The following PDE8A variants were observed in gnomAD, a reference collection of about 807,000 sequenced individuals.
PDE8A encodes high affinity cAMP-specific and IBMX-insensitive 3',5'-cyclic phosphodiesterase 8A.
A neutral mutation model predicts 105.0 loss-of-function variants in PDE8A; 59 were observed. That is an observed-to-expected ratio of 0.56 (90% CI 0.46 to 0.70). The LOEUF (loss-of-function observed/expected upper bound fraction) is 0.70. Among genes scored for constraint, PDE8A ranks in the 30% least tolerant of loss-of-function variants. PDE8A has a pLI of 0.00. For synonymous variants in PDE8A, 355 were observed against 371.9 expected, an observed-to-expected ratio of 0.95 and a Z score of 0.52; for missense variants, 1,014 against 1,045.9, an observed-to-expected ratio of 0.97 and a Z score of 0.42.
At chr15:85,026,917 C>T (rs1007533100) in intron 1 of PDE8A, among the ~76,000 whole-genome samples, 4 of 152,142 alleles carry the variant, frequency 2.6e-5, no homozygotes, top group African/African-American at 7.2e-5. Context: ...TATGAGGTAA[C>T]GTTTTTCTTT....
intron 1 of PDE8A, 82 bp downstream of exon 1, chr15:84,982,430 GTCCC>G: frequency 2.2e-6 from 2 of 909,738 alleles, no homozygotes; most frequent in Non-Finnish European, 3.0e-6. Flanking sequence ...GCCGGGCGGG[GTCCC>G]CCCCACCCGG....
At chr15:85,054,636 G>T (rs986646194) in intron 1 of PDE8A, among the ~76,000 whole-genome samples, 1 of 152,146 alleles carries the variant, frequency 6.6e-6, no homozygotes, top group South Asian at 2.1e-4. Flanking sequence ...ACGGTAGTTT[G>T]TATTTCTGTG....
rs1334123754 is a variant in PDE8A at position 85,139,092 on chromosome 15, G to T, written c.*1189G>T. Reference sequence around the variant, plus strand: ...GTCATTTCATTTTAAACTCGTATTTGTGGTTTTTTTCCCAGATAAAAATGA... The same window carrying T: ...GTCATTTCATTTTAAACTCGTATTTTTGGTTTTTTTCCCAGATAAAAATGA... On this transcript the variant is annotated 3_prime_UTR_variant, in exon 22 of 22. Coordinates refer to ENST00000394553, the MANE Select transcript of PDE8A (RefSeq NM_002605.3). 3 of 151,926 alleles carry T rather than the reference G, an allele frequency of 2.0e-5. No homozygotes were observed. The highest frequency in any genetic ancestry group is 7.3e-5 in the African/African-American group (3 of 41,334). 9.4% of individuals were successfully genotyped at this position (151,926 alleles called of 1,614,324 possible). A position where few individuals can be genotyped will look rare whatever the true frequency, so the allele number is the denominator to read the frequency against.
chr15:85,064,846 C>T (rs1294563156), intron 2 of PDE8A, among the ~76,000 whole-genome samples: 1 of 151,834 alleles, frequency 6.6e-6, no homozygotes, highest in Non-Finnish European at 1.5e-5. Flanking sequence ...GGTGTGTGTG[C>T]CTGTGGTCCC....
chr15:85,126,490 T>TAACA, intron 20 of PDE8A, 116 bp downstream of exon 20: 2 of 733,852 alleles, frequency 2.7e-6, no homozygotes, highest in Non-Finnish European at 3.9e-6. Flanking sequence ...TCTGTCCTTG[T>TAACA]TTTGCAAGGT....
rs141196809 is a variant in PDE8A, at chr15:85,137,810, G to A, written c.2397G>A (p.Leu799=). The A allele has an allele frequency of 1.9e-6, 3 of 1,608,898 alleles. No individual in the cohort carries two copies. The African/African-American group carries it at 4.0e-5, about 22-fold the overall frequency. The change falls in exon 22 of 22, where the codon CTG becomes CTA. Residue 799 remains leucine, a synonymous_variant. Transcript: ENST00000394553. The stretch of plus-strand genomic sequence containing the variant: ...CTTTCTCTCCAGCCTTTGTAGACCT[G>A]CCTGATTTAATGCAGCATCTTGACA... ...MFDAWDAFVD[L]PDLMQHLDNN...
At chr15:85,036,652 A>G (rs2141383946) in intron 1 of PDE8A, among the ~76,000 whole-genome samples, 1 of 152,236 alleles carries the variant, frequency 6.6e-6, no homozygotes, top group Non-Finnish European at 1.5e-5. Flanking sequence ...CTCCAGCAGT[A>G]AAGGTTGTGG....
At chr15:85,106,620 T>G (rs1313449338) in intron 11 of PDE8A, among the ~76,000 whole-genome samples, 1 of 152,116 alleles carries the variant, frequency 6.6e-6, no homozygotes, top group Non-Finnish European at 1.5e-5. Context: ...AGGGGAAATT[T>G]GAAGGAATGA....
intron 1 of PDE8A, among the ~76,000 whole-genome samples, chr15:85,019,295 TA>T (rs1329968190): frequency 6.6e-6 from 1 of 152,238 alleles, no homozygotes; most frequent in Non-Finnish European, 1.5e-5. Flanking sequence ...TAGATGTATT[TA>T]GGGGTGAAAA....
intron 4 of PDE8A, 88 bp from the exon 5 acceptor site, chr15:85,076,645 C>T (rs945386750): frequency 1.9e-5 from 15 of 810,418 alleles, no homozygotes; most frequent in African/African-American, 3.4e-5. Context: ...CATTACATAA[C>T]GAAGTATTAT....
chr15:85,119,035 C>G (rs1313858281), intron 17 of PDE8A, among the ~76,000 whole-genome samples: 1 of 152,020 alleles, frequency 6.6e-6, no homozygotes, highest in Non-Finnish European at 1.5e-5. Flanking sequence ...GGACTGTTTT[C>G]TAAATTATGA....
chr15:84,988,653 C>G (rs1057263195), intron 1 of PDE8A, among the ~76,000 whole-genome samples: 1 of 152,230 alleles, frequency 6.6e-6, no homozygotes, highest in African/African-American at 2.4e-5. Flanking sequence ...GCTGTTCCCC[C>G]ACCAGTGCTG....
intron 20 of PDE8A, among the ~76,000 whole-genome samples, chr15:85,133,557 C>T (rs997277092): frequency 2.0e-5 from 3 of 152,102 alleles, no homozygotes; most frequent in African/African-American, 7.2e-5. Context: ...CTTGAGTGGG[C>T]ATTCACTTGG....
At chr15:85,044,569 A>G (rs902580480) in intron 1 of PDE8A, among the ~76,000 whole-genome samples, 1 of 152,222 alleles carries the variant, frequency 6.6e-6, no homozygotes, top group Admixed American at 6.5e-5. Context: ...TGCAAATCAG[A>G]TAATCAGAAC....
In PDE8A at chr15:85,115,468, A is replaced by C. The variant is rs2082081097; in HGVS notation, c.1380A>C (p.Glu460Asp). 1 of 1,532,576 alleles carries C rather than the reference A, an allele frequency of 6.5e-7. No homozygotes were observed. The allele number at this position is 1,532,576 out of a possible 1,614,324, so 94.9% of individuals were successfully genotyped here. ...GTTTGCGAAGACTATCAGGGAATGA[A>C]TATGTTCTTTCAACAAAAAGTAAGT... ...SDGLRRLSGN[E>D]YVLSTKNTQM... Residue 460 changes from glutamate to aspartate, a missense_variant, in exon 15 of 22, where the codon GAA becomes GAC. Transcript: ENST00000394553.
intron 1 of PDE8A, among the ~76,000 whole-genome samples, chr15:85,042,611 A>G (rs2080827820): frequency 6.6e-6 from 1 of 152,116 alleles, no homozygotes; most frequent in Non-Finnish European, 1.5e-5. Context: ...TTTCTACCCA[A>G]AGCTATGACA....
chr15:85,127,679 G>C (rs1362711462), intron 20 of PDE8A, among the ~76,000 whole-genome samples: 1 of 152,140 alleles, frequency 6.6e-6, no homozygotes, highest in South Asian at 2.1e-4. Context: ...ATGAACACTT[G>C]AATAAATGGT....
At chr15:85,093,633 C>T (rs1039565150) in intron 8 of PDE8A, among the ~76,000 whole-genome samples, 2 of 152,204 alleles carry the variant, frequency 1.3e-5, no homozygotes, top group African/African-American at 4.8e-5. Context: ...TTTCCATCTC[C>T]ACAAACCCTG....
At chr15:84,998,897 T>TGACTATATG (rs1442033760) in intron 1 of PDE8A, among the ~76,000 whole-genome samples, 6 of 152,184 alleles carry the variant, frequency 3.9e-5, no homozygotes. Context: ...AATTGATAGT[T>TGACTATATG]GACTATATGA....
Sources: gnomAD v4.1 joint callset for allele counts (sites outside exome capture counted in the v4.1 genomes callset) on GRCh38, gnomAD v4.1.1 for gene constraint, MANE v1.5 for transcripts, NCBI Gene and HGNC (gene_info 2026-07-23, HGNC 2026-07-21) for gene names.